Variants in LRRTM4 observed in about 807,000 individuals in gnomAD.
The protein encoded by LRRTM4 is leucine rich repeat transmembrane neuronal 4.
In LRRTM4, 25 loss-of-function variants were observed where a neutral mutation model predicts 47.6. That is an observed-to-expected ratio of 0.53 (90% CI 0.38 to 0.73). The LOEUF is 0.73. LRRTM4 is among the 30% of genes least tolerant of loss of function. The pLI is 0.00. For synonymous variants in LRRTM4, 311 were observed against 269.5 expected, an observed-to-expected ratio of 1.15 and a Z score of -1.51; for missense variants, 638 against 713.4, an observed-to-expected ratio of 0.89 and a Z score of 1.20.
intron 3 of LRRTM4, among the ~76,000 whole-genome samples, chr2:76,860,712 G>A (rs11900977): frequency 0.025 from 3,778 of 151,992 alleles, 144 homozygotes; most frequent in African/African-American, 0.086. Context: ...TTGATAAAAG[G>A]GAGATTTAAA....
At chr2:77,268,222 A>T (rs1401773982) in intron 3 of LRRTM4, among the ~76,000 whole-genome samples, 1 of 152,150 alleles carries the variant, frequency 6.6e-6, no homozygotes, top group Non-Finnish European at 1.5e-5. Flanking sequence ...GTAAAAAAAT[A>T]ACAAAATATC....
chr2:77,003,181 T>G (rs537950376), intron 3 of LRRTM4, among the ~76,000 whole-genome samples: 2 of 152,122 alleles, frequency 1.3e-5, no homozygotes, highest in Non-Finnish European at 2.9e-5. Flanking sequence ...TCTTATTTGT[T>G]ATTTTCTTCC....
chr2:76,862,294 T>G (rs1672336397), intron 3 of LRRTM4, among the ~76,000 whole-genome samples: 1 of 152,172 alleles, frequency 6.6e-6, no homozygotes, highest in East Asian at 1.9e-4. Flanking sequence ...CAGCCTGTTC[T>G]AAGGTGAGGA....
intron 3 of LRRTM4, among the ~76,000 whole-genome samples, chr2:77,306,591 C>T (rs569233041): frequency 7.6e-4 from 116 of 152,212 alleles, no homozygotes; most frequent in Admixed American, 2.1e-3. Context: ...CTTCCTAAAG[C>T]GGTTAACCTG....
chr2:77,168,030 A>T (rs1012955175), intron 3 of LRRTM4, among the ~76,000 whole-genome samples: 3 of 152,058 alleles, frequency 2.0e-5, no homozygotes, highest in Non-Finnish European at 2.9e-5. Flanking sequence ...GCTCCGACTG[A>T]ATTTAAGATA....
At chr2:77,079,925 A>AAT (rs1319084539) in intron 3 of LRRTM4, among the ~76,000 whole-genome samples, 1 of 152,050 alleles carries the variant, frequency 6.6e-6, no homozygotes, top group Non-Finnish European at 1.5e-5. Flanking sequence ...TTATGATAGA[A>AAT]ATATATTTTT....
intron 3 of LRRTM4, among the ~76,000 whole-genome samples, chr2:77,258,056 A>G (rs1262431676): frequency 6.6e-6 from 1 of 151,684 alleles, no homozygotes; most frequent in African/African-American, 2.4e-5. Context: ...AGTTAGTGCC[A>G]TTGCACTCTA....
rs564119002 is a variant in LRRTM4 at position 77,223,610 on chromosome 2, T to C, written c.1551+294708A>G. Reference sequence around the variant, plus strand: ...ATCATGAGTGAACTCCCATTCACAATTGCTTCAAAGAGAATAAAATACCTA... The same window carrying C: ...ATCATGAGTGAACTCCCATTCACAACTGCTTCAAAGAGAATAAAATACCTA... On this transcript the variant is annotated intron_variant, in intron 3 of 3. Transcript: ENST00000409884. 1.1e-3 allele frequency among the ~76,000 whole-genome samples: 165 copies of C among 152,272 alleles called. 1 individual carries two copies. Among genetic ancestry groups the C allele is most frequent in the African/African-American group, 3.8e-3 (157 of 41,562 alleles).
At chr2:76,900,158 T>C (rs1673574384) in intron 3 of LRRTM4, among the ~76,000 whole-genome samples, 1 of 152,020 alleles carries the variant, frequency 6.6e-6, no homozygotes, top group African/African-American at 2.4e-5. Flanking sequence ...GGCTTGAATC[T>C]GGGAAGCACA....
Position 76,968,278 on chromosome 2 carries a change from G to T in LRRTM4, c.1552-219362C>A, listed in dbSNP as rs151171706. Among the ~76,000 whole-genome samples the T allele has an allele frequency of 8.5e-3, 1,223 of 144,064 alleles. 23 individuals are homozygous for T. Among genetic ancestry groups the T allele is most frequent in the African/African-American group, 0.029 (1,150 of 39,510 alleles). The allele number at this position is 144,064 out of a possible 152,430, so 94.5% of individuals were successfully genotyped here. On this transcript the variant is annotated intron_variant, in intron 3 of 3. Transcript: ENST00000409884. ...TTTTAAAAAAAACAAATCTGGCAAT[G>T]AGTCTAAAAATCTCACAATATATAG...
At chr2:76,807,464 A>G (rs1476995205) in intron 3 of LRRTM4, among the ~76,000 whole-genome samples, 23 of 103,198 alleles carry the variant, frequency 2.2e-4, no homozygotes, top group East Asian at 1.5e-3. Flanking sequence ...ATATACATAT[A>G]TATATACATA....
intron 3 of LRRTM4, among the ~76,000 whole-genome samples, chr2:77,385,812 ATC>A (rs1380592986): frequency 1.5e-5 from 2 of 133,974 alleles, no homozygotes; most frequent in East Asian, 4.4e-4. Flanking sequence ...CCGTGGCACG[ATC>A]TCAGCTCGGT....
intron 3 of LRRTM4, among the ~76,000 whole-genome samples, chr2:77,256,577 G>T (rs1406509287): frequency 6.6e-6 from 1 of 152,072 alleles, no homozygotes; most frequent in Non-Finnish European, 1.5e-5. Flanking sequence ...TTATAAAGGA[G>T]AGTTGCCCTA....
chr2:77,203,944 G>A (rs1029197907), intron 3 of LRRTM4, among the ~76,000 whole-genome samples: 2 of 152,160 alleles, frequency 1.3e-5, no homozygotes, highest in African/African-American at 2.4e-5. Context: ...AGGTCACAGA[G>A]TAAGTCGCTA....
At chr2:77,090,629 C>G (rs940223028) in intron 3 of LRRTM4, among the ~76,000 whole-genome samples, 2 of 152,174 alleles carry the variant, frequency 1.3e-5, no homozygotes, top group African/African-American at 4.8e-5. Context: ...TCCTCCAGAA[C>G]CTCCTCCCCC....
At chr2:77,125,992 CAT>C (rs538126883) in intron 3 of LRRTM4, among the ~76,000 whole-genome samples, 1 of 150,534 alleles carries the variant, frequency 6.6e-6, no homozygotes, top group African/African-American at 2.4e-5. Context: ...ACTGACCATA[CAT>C]ATATATATAA....
At chr2:77,316,621 C>T (rs150804698) in intron 3 of LRRTM4, among the ~76,000 whole-genome samples, 96 of 151,848 alleles carry the variant, frequency 6.3e-4, no homozygotes, top group Non-Finnish European at 1.2e-3. Flanking sequence ...ATCCCCAGCT[C>T]ATTGCAACCC....
At chr2:77,396,414 G>C (rs2103825196) in intron 3 of LRRTM4, among the ~76,000 whole-genome samples, 1 of 151,962 alleles carries the variant, frequency 6.6e-6, no homozygotes, top group South Asian at 2.1e-4. Context: ...CAGGTAGGAA[G>C]TGTGTTTAAT....
intron 3 of LRRTM4, among the ~76,000 whole-genome samples, chr2:77,014,338 T>G (rs1465123791): frequency 6.6e-6 from 1 of 152,026 alleles, no homozygotes; most frequent in African/African-American, 2.4e-5. Flanking sequence ...TAAATATTAA[T>G]TTATTATAAA....
Sources: gnomAD v4.1 joint callset for allele counts (sites outside exome capture counted in the v4.1 genomes callset) on GRCh38, gnomAD v4.1.1 for gene constraint, MANE v1.5 for transcripts, NCBI Gene and HGNC (gene_info 2026-07-23, HGNC 2026-07-21) for gene names.